The following DIAPH3 variants were observed in gnomAD, a reference collection of about 807,000 sequenced individuals.
DIAPH3 encodes protein diaphanous homolog 3.
In DIAPH3, 117 loss-of-function variants were observed where a neutral mutation model predicts 144.3. The observed-to-expected ratio is 0.81, with a 90% confidence interval of 0.70 to 0.95. The LOEUF (loss-of-function observed/expected upper bound fraction) is 0.95. DIAPH3 is among the 40% of genes least tolerant of loss of function. The probability of loss-of-function intolerance (pLI) is 0.00; values close to 1 mark genes in which losing one functional copy is unlikely to be tolerated. For synonymous variants in DIAPH3, 519 were observed against 488.9 expected, an observed-to-expected ratio of 1.06 and a Z score of -0.81; for missense variants, 1,421 against 1,412.7, an observed-to-expected ratio of 1.01 and a Z score of -0.09.
chr13:60,033,083 T>C (rs2054924901), intron 5 of DIAPH3, among the ~76,000 whole-genome samples: 1 of 152,224 alleles, frequency 6.6e-6, no homozygotes, highest in African/African-American at 2.4e-5. Context: ...AGGCATACCA[T>C]GCATGACCTT....
chr13:59,821,548 C>T (rs2041076756), intron 24 of DIAPH3, among the ~76,000 whole-genome samples: 1 of 152,074 alleles, frequency 6.6e-6, no homozygotes, highest in African/African-American at 2.4e-5. Flanking sequence ...ATTACGTGAT[C>T]TACTTTTCAG....
chr13:60,160,022 G>C (rs544036328), intron 1 of DIAPH3, among the ~76,000 whole-genome samples: 1 of 152,098 alleles, frequency 6.6e-6, no homozygotes, highest in Non-Finnish European at 1.5e-5. Context: ...TCAGGAGTTC[G>C]AGACCATCCT....
intron 1 of DIAPH3, among the ~76,000 whole-genome samples, chr13:60,152,048 CAA>C: frequency 6.6e-6 from 1 of 152,210 alleles, no homozygotes; most frequent in East Asian, 1.9e-4. Flanking sequence ...CTGAATGTTA[CAA>C]AGTTTCATTT....
intron 27 of DIAPH3, among the ~76,000 whole-genome samples, chr13:59,710,185 T>C (rs540647570): frequency 6.6e-6 from 1 of 151,122 alleles, no homozygotes; most frequent in East Asian, 2.0e-4. Flanking sequence ...GCATGGCACA[T>C]GTATACATAT....
chr13:59,939,510 C>G (rs745906884), intron 17 of DIAPH3, among the ~76,000 whole-genome samples: 1 of 152,154 alleles, frequency 6.6e-6, no homozygotes. Context: ...TCTTTTCCTA[C>G]ACAGAAACTG....
At chr13:59,929,738 ATT>A (rs78484126) in intron 17 of DIAPH3, among the ~76,000 whole-genome samples, 2 of 138,196 alleles carry the variant, frequency 1.4e-5, no homozygotes, top group African/African-American at 2.7e-5. Flanking sequence ...TAATTTTTGT[ATT>A]TTTTTTTTTT....
At chr13:60,090,896 A>G (rs1334846139) in intron 4 of DIAPH3, among the ~76,000 whole-genome samples, 1 of 152,240 alleles carries the variant, frequency 6.6e-6, no homozygotes, top group Non-Finnish European at 1.5e-5. Flanking sequence ...TAATTTAATT[A>G]CCTAATTCTG....
intron 4 of DIAPH3, among the ~76,000 whole-genome samples, chr13:60,076,254 C>T (rs769753933): frequency 6.6e-6 from 1 of 152,204 alleles, no homozygotes; most frequent in African/African-American, 2.4e-5. Flanking sequence ...CTCTCAAATG[C>T]CCACTCATTT....
At chr13:59,884,584 T>A (rs776697169) in intron 20 of DIAPH3, among the ~76,000 whole-genome samples, 1 of 152,136 alleles carries the variant, frequency 6.6e-6, no homozygotes, top group African/African-American at 2.4e-5. Context: ...TGCAGTTTTA[T>A]GAAAGACAAG....
chr13:59,879,089 C>T, intron 21 of DIAPH3, 140 bp downstream of exon 21: 5 of 1,210,054 alleles, frequency 4.1e-6, no homozygotes, highest in Non-Finnish European at 5.7e-6. Context: ...TCAGTTCACT[C>T]TGGGTTTGAG....
At chr13:59,745,814 A>AT (rs1429705785) in intron 27 of DIAPH3, among the ~76,000 whole-genome samples, 7 of 152,234 alleles carry the variant, frequency 4.6e-5, no homozygotes, top group African/African-American at 1.2e-4. Flanking sequence ...TGTAAAAATT[A>AT]TTTTTTAAAC....
chr13:59,742,863 GAA>G lies in DIAPH3; in HGVS notation c.3319+31324_3319+31325del, dbSNP rs554894459. 2.0e-5 allele frequency among the ~76,000 whole-genome samples: 3 copies of G among 152,244 alleles called. No individual in the cohort carries two copies. The South Asian group carries it at 6.2e-4, about 32-fold the overall frequency. On this transcript the variant is annotated intron_variant, in intron 27 of 27. Transcript: ENST00000400324. ...GTTGACATGACTCAACAGAAATAAA[GAA>G]ATGATAGATTTTGGGGTACGCATTT...
chr13:59,782,179 C>T (rs2139337085), intron 25 of DIAPH3, among the ~76,000 whole-genome samples: 1 of 151,550 alleles, frequency 6.6e-6, no homozygotes, highest in East Asian at 1.9e-4. Context: ...ATAAAGAAAA[C>T]AAAGTATATT....
chr13:60,008,720 T>G, intron 8 of DIAPH3, 71 bp from the exon 9 acceptor site: 1 of 988,620 alleles, frequency 1.0e-6, no homozygotes, highest in East Asian at 2.4e-5. Flanking sequence ...TGCTTTATCC[T>G]ACTAAAGAAG....
At chr13:60,070,654 C>T (rs1476199586) in intron 4 of DIAPH3, among the ~76,000 whole-genome samples, 2 of 152,112 alleles carry the variant, frequency 1.3e-5, no homozygotes, top group Admixed American at 6.6e-5. Flanking sequence ...TAAAATTTCC[C>T]TTTTTGCTCA....
chr13:59,920,936 A>G (rs1481040967), intron 18 of DIAPH3, among the ~76,000 whole-genome samples: 1 of 151,892 alleles, frequency 6.6e-6, no homozygotes, highest in Non-Finnish European at 1.5e-5. Context: ...AGTACAGAAG[A>G]AAATTCAAAA....
At chr13:59,839,514 T>A in intron 22 of DIAPH3, 66 bp from the exon 23 acceptor site, 2 of 1,466,134 alleles carry the variant, frequency 1.4e-6, no homozygotes, top group Non-Finnish European at 1.8e-6. Context: ...TAAGACACCC[T>A]AGAAACAAAA....
Position 59,993,719 on chromosome 13 carries a change from A to AAAAAAAAAC in DIAPH3, c.1015-1137_1015-1136insGTTTTTTTT, listed in dbSNP as rs2051997558. ...AACATACTTAAAAAAAAAAAAAAAA[A>AAAAAAAAAC]AAACTTAACAGAATCTACCTTTCCA... On this transcript the variant is annotated intron_variant, in intron 9 of 27. Coordinates refer to ENST00000400324, the MANE Select transcript of DIAPH3 (RefSeq NM_001042517.2). Among the ~76,000 whole-genome samples the AAAAAAAAAC allele has an allele frequency of 2.7e-5, 4 of 150,260 alleles. No homozygotes were observed. In the Admixed American group the frequency reaches 2.7e-4, roughly 10 times the overall value.
chr13:59,857,528 A>C (rs2043325741), intron 22 of DIAPH3, among the ~76,000 whole-genome samples: 1 of 152,170 alleles, frequency 6.6e-6, no homozygotes, highest in Non-Finnish European at 1.5e-5. Flanking sequence ...ACAGAGAAAT[A>C]TGGCAAAAAT....
Sources: allele counts gnomAD v4.1 joint callset (sites outside exome capture counted in the v4.1 genomes callset), GRCh38; gene constraint gnomAD v4.1.1; transcripts MANE v1.5; gene names NCBI Gene and HGNC (gene_info 2026-07-23, HGNC 2026-07-21).